Variants in ATF6B observed in about 807,000 individuals in gnomAD.
ATF6B encodes the protein activating transcription factor 6 beta, also known as cyclic AMP-dependent transcription factor ATF-6 beta.
Under a neutral mutation model 83.5 loss-of-function variants are expected in ATF6B, and 50 were observed. The ratio of observed to expected loss-of-function variants is 0.60; its 90% CI spans 0.48 to 0.76. The LOEUF (loss-of-function observed/expected upper bound fraction) is 0.76. Ranked by LOEUF, ATF6B falls within the 30% of genes least tolerant of loss-of-function variation. The pLI, the probability that ATF6B is intolerant of heterozygous loss-of-function variation, is 0.00. For synonymous variants in ATF6B, 344 were observed against 362.8 expected, an observed-to-expected ratio of 0.95 and a Z score of 0.59; for missense variants, 790 against 893.8, an observed-to-expected ratio of 0.88 and a Z score of 1.48.
chr6:32,125,920 C>A lies in ATF6B; in HGVS notation c.478+197G>T. The A allele has an allele frequency of 1.5e-6, 1 of 662,386 alleles. No homozygotes were observed. 41.0% of individuals were successfully genotyped at this position (662,386 alleles called of 1,614,324 possible). ...AGAAAAATAATATCCATCTCCTCAG[C>A]ACTGCCCTTGCTGTGGTTCCCTGAA... On this transcript the variant is annotated intron_variant, in intron 5 of 17. Coordinates refer to ENST00000375203, the MANE Select transcript of ATF6B (RefSeq NM_004381.5). The surrounding 1 kb of genome is among the most constrained non-coding windows in gnomAD (Gnocchi z 4.1).
chr6:32,123,870 G>T (rs1446655914), intron 5 of ATF6B, among the ~76,000 whole-genome samples: 2 of 152,120 alleles, frequency 1.3e-5, no homozygotes, highest in African/African-American at 4.8e-5. Context: ...CAGCCAGTGA[G>T]AGATGGTGCC....
chr6:32,127,291 C>T, intron 3 of ATF6B, 97 bp from the exon 4 acceptor site: 1 of 1,384,296 alleles, frequency 7.2e-7, no homozygotes, highest in Non-Finnish European at 9.9e-7. Flanking sequence ...TGTACCGCAG[C>T]AAGGGAGAAG....
At chr6:32,123,599 C>G (rs971652291) in intron 5 of ATF6B, among the ~76,000 whole-genome samples, 1 of 152,044 alleles carries the variant, frequency 6.6e-6, no homozygotes, top group Non-Finnish European at 1.5e-5. Context: ...TGTGTTAGCC[C>G]GAATGGTCTT....
chr6:32,127,431 G>A lies in ATF6B; in HGVS notation c.250+11C>T. On this transcript the variant is annotated intron_variant, in intron 3 of 17. Coordinates refer to ENST00000375203, the MANE Select transcript of ATF6B (RefSeq NM_004381.5). ...TCTGGAAATCTGAGGGAACGACAAA[G>A]ACTACCTTACCTGGGAAGATCGGCA... The A allele has an allele frequency of 6.2e-7, 1 of 1,603,456 alleles. No individual in the cohort carries two copies. Among genetic ancestry groups the A allele is most frequent in the Non-Finnish European group, 8.5e-7 (1 of 1,174,008 alleles).
In ATF6B at chr6:32,121,132, G is replaced by A; in HGVS notation, c.565-8C>T. 6.3e-6 allele frequency: 10 copies of A among 1,595,074 alleles called. No individual in the cohort carries two copies. The highest frequency in any genetic ancestry group is 8.5e-6 in the Non-Finnish European group (10 of 1,170,214). The stretch of plus-strand genomic sequence containing the variant: ...CTCCTCTCCTATAAAAGCCTATGTG[G>A]GGCATTCCAGAGATACATTAGTCAG... On this transcript the variant is annotated splice_region_variant and splice_polypyrimidine_tract_variant and intron_variant, in intron 6 of 17. Transcript: ENST00000375203.
intron 5 of ATF6B, among the ~76,000 whole-genome samples, chr6:32,123,458 G>A (rs1017915291): frequency 1.3e-5 from 2 of 152,068 alleles, no homozygotes. Flanking sequence ...GGGCGATCTC[G>A]GCTCACTGCA....
chr6:32,119,905 C>T lies in ATF6B; in HGVS notation c.885G>A (p.Pro295=), dbSNP rs371058496. The T allele has an allele frequency of 9.3e-6, 15 of 1,614,070 alleles. No individual in the cohort carries two copies. The highest frequency in any genetic ancestry group is 4.0e-5 in the African/African-American group (3 of 75,002). ...TCTCAGGCCGTGGTAGAGAGGGAGCCGGCCCTTCAGGCTGGACTCGAATAG... is the reference window on the plus strand; with the variant it reads ...TCTCAGGCCGTGGTAGAGAGGGAGCTGGCCCTTCAGGCTGGACTCGAATAG... ...QGAIRVQPEG[P]APSLPRPERK... Residue 295 remains proline, a synonymous_variant, in exon 9 of 18, where the codon CCG becomes CCA. Coordinates refer to ENST00000375203, the MANE Select transcript of ATF6B (RefSeq NM_004381.5). This position sits in a 1 kb window ranked among gnomAD's most constrained non-coding sequence, Gnocchi z 4.9.
chr6:32,127,988 C>T, intron 1 of ATF6B, 129 bp downstream of exon 1: 2 of 1,132,682 alleles, frequency 1.8e-6, no homozygotes, highest in Non-Finnish European at 1.3e-6. Context: ...GCACAACGAG[C>T]CCCCTGCTCC....
chr6:32,127,615 G>A lies in ATF6B; in HGVS notation c.171+56C>T, dbSNP rs17201616. On this transcript the variant is annotated intron_variant, in intron 2 of 17. Coordinates refer to ENST00000375203, the MANE Select transcript of ATF6B (RefSeq NM_004381.5). ...AGTTATGGCCTGTGAATGGGTCCAG[G>A]TTCTGGGCTCACTTTCCACCCACCA... 2,090 of 1,612,432 alleles carry A rather than the reference G, an allele frequency of 1.3e-3. 8 individuals carry two copies. Among genetic ancestry groups the A allele is most frequent in the African/African-American group, 9.3e-3 (696 of 74,992 alleles).
chr6:32,127,844 G>C, intron 1 of ATF6B, 94 bp from the exon 2 acceptor site: 3 of 1,383,752 alleles, frequency 2.2e-6, no homozygotes, highest in East Asian at 2.3e-5. Flanking sequence ...GGCTCCGCTC[G>C]GCCAGACCCA....
At chr6:32,120,103 T>C in intron 8 of ATF6B, 146 bp from the exon 9 acceptor site, 1 of 1,093,554 alleles carries the variant, frequency 9.1e-7, no homozygotes. Flanking sequence ...CTTTTCTCCT[T>C]TTTTTCTTTT....
chr6:32,122,962 G>A (rs917534992), intron 5 of ATF6B, among the ~76,000 whole-genome samples: 8 of 151,836 alleles, frequency 5.3e-5, no homozygotes, highest in Non-Finnish European at 1.0e-4. Context: ...GCTCACGCCT[G>A]TAATCCCAGC....
At chr6:32,121,964 G>A (rs1022825229) in intron 5 of ATF6B, among the ~76,000 whole-genome samples, 1 of 152,120 alleles carries the variant, frequency 6.6e-6, no homozygotes, top group Non-Finnish European at 1.5e-5. Flanking sequence ...CACAGAACTT[G>A]TCTATTCACA....
intron 5 of ATF6B, among the ~76,000 whole-genome samples, chr6:32,124,335 T>A (rs1325206365): frequency 6.6e-6 from 1 of 152,130 alleles, no homozygotes; most frequent in Non-Finnish European, 1.5e-5. Flanking sequence ...GCCACAAACC[T>A]CTTTGACTCC....
chr6:32,115,733 C>T lies in ATF6B; in HGVS notation c.*6G>A. 6.3e-7 allele frequency: 1 copy of T among 1,577,248 alleles called. No homozygotes were observed. The highest frequency in any genetic ancestry group is 8.6e-7 in the Non-Finnish European group (1 of 1,159,518). ...CCCCGTTCTAAGTCAGTGTGAATGG[C>T]AGAGGTCAGGGATGATTGAGGTAGA... is the stretch of plus-strand genomic sequence containing the variant. On this transcript the variant is annotated 3_prime_UTR_variant, in exon 18 of 18. Coordinates refer to ENST00000375203, the MANE Select transcript of ATF6B (RefSeq NM_004381.5).
chr6:32,119,700 G>T lies in ATF6B; in HGVS notation c.966+124C>A. The T allele has an allele frequency of 1.5e-6, 2 of 1,376,840 alleles. No homozygotes were observed. The highest frequency in any genetic ancestry group is 2.0e-6 in the Non-Finnish European group (2 of 1,006,462). The allele number at this position is 1,376,840 out of a possible 1,614,324, so 85.3% of individuals were successfully genotyped here. A position where few individuals can be genotyped will look rare whatever the true frequency, so the allele number is the denominator to read the frequency against. On this transcript the variant is annotated intron_variant, in intron 9 of 17. Coordinates refer to ENST00000375203, the MANE Select transcript of ATF6B (RefSeq NM_004381.5). This position sits in a 1 kb window ranked among gnomAD's most constrained non-coding sequence, Gnocchi z 4.9. ...TCTGACCCTCAGAATGATCTAATGGGTCCGTTTCCTCACTTTTTTCTCCTA... is the reference window on the plus strand; with the variant it reads ...TCTGACCCTCAGAATGATCTAATGGTTCCGTTTCCTCACTTTTTTCTCCTA...
At chr6:32,123,125 G>T (rs1781830164) in intron 5 of ATF6B, among the ~76,000 whole-genome samples, 1 of 151,224 alleles carries the variant, frequency 6.6e-6, no homozygotes, top group Admixed American at 6.6e-5. Context: ...CTATTAGGGG[G>T]GCTGAGGCAG....
chr6:32,126,585 G>A (rs1416117833), intron 4 of ATF6B, among the ~76,000 whole-genome samples: 2 of 152,136 alleles, frequency 1.3e-5, no homozygotes, highest in Non-Finnish European at 2.9e-5. Flanking sequence ...AAGATCAGGC[G>A]TGGTGGCTTA....
rs747359590 is a variant in ATF6B at position 32,116,998 on chromosome 6, A to G, written c.1685+39T>C. The G allele has an allele frequency of 8.1e-6, 13 of 1,601,382 alleles. No individual in the cohort carries two copies. The highest frequency in any genetic ancestry group is 1.0e-5 in the Non-Finnish European group (12 of 1,169,370). The stretch of plus-strand genomic sequence containing the variant: ...CTGGGGGTACAGCTCTTGAAAGTGG[A>G]ATTTCACTTAATAAGTAAGCACCCC... On this transcript the variant is annotated intron_variant, in intron 15 of 17. Coordinates refer to ENST00000375203, the MANE Select transcript of ATF6B (RefSeq NM_004381.5). The surrounding 1 kb of genome is among the most constrained non-coding windows in gnomAD (Gnocchi z 5.1).
Sources: allele counts gnomAD v4.1 joint callset (sites outside exome capture counted in the v4.1 genomes callset), GRCh38; gene constraint gnomAD v4.1.1; non-coding constraint Gnocchi (gnomAD v3.1); transcripts MANE v1.5; gene names NCBI Gene and HGNC (gene_info 2026-07-23, HGNC 2026-07-21).